The following LTBP3 variants were observed in gnomAD, a reference collection of about 807,000 sequenced individuals.
The protein encoded by LTBP3 is latent transforming growth factor beta binding protein 3.
In LTBP3, 97 loss-of-function variants were observed where a neutral mutation model predicts 159.7. The ratio of observed to expected loss-of-function variants is 0.61; its 90% CI spans 0.52 to 0.72. LTBP3 has a LOEUF of 0.72. LTBP3 is among the 30% of genes least tolerant of loss of function. LTBP3 has a pLI of 0.00. For synonymous variants in LTBP3, 824 were observed against 777.1 expected, an observed-to-expected ratio of 1.06 and a Z score of -1.00; for missense variants, 1,584 against 1,864.3, an observed-to-expected ratio of 0.85 and a Z score of 2.77.
At chr11:65,539,954 G>GCGGGGGCCACGTGACGGA in intron 24 of LTBP3, 59 bp downstream of exon 24, 1 of 1,459,116 alleles carries the variant, frequency 6.9e-7, no homozygotes, top group Non-Finnish European at 9.0e-7. Context: ...CCCCACCTGC[G>GCGGGGGCCACGTGACGGA]CGGGGGCCAC....
In LTBP3 at chr11:65,539,576, G is replaced by T. The variant is rs768814259; in HGVS notation, c.3600C>A (p.Ser1200Arg). The change falls in exon 26 of 28, where the codon AGC becomes AGA. Residue 1200 changes from serine (S) to arginine (R), a missense_variant. Around this residue, in one of 6 missense-constraint regions of LTBP3, gnomAD observed 514 missense variants for 530.3 expected, o/e 0.97. Coordinates refer to ENST00000301873, the MANE Select transcript of LTBP3 (RefSeq NM_001130144.3). Reference protein sequence around the residue: ...QSESNSFWDTSPLLLGKPPRD... With the variant: ...QSESNSFWDTRPLLLGKPPRD... ...TTGGGGGCTTCCCCAACAGCAGGGG[G>T]CTTGTGTCCCAGAAGGAATTGCTCT... 5 of 1,612,842 alleles carry T rather than the reference G, an allele frequency of 3.1e-6. No homozygotes were observed. In the Admixed American group the frequency reaches 5.0e-5, roughly 16 times the overall value.
At position 65,547,488 on chromosome 11, in the gene LTBP3, G is replaced by T. The variant is rs376337792; in HGVS notation, c.2058C>A (p.Asn686Lys). Residue 686 changes from asparagine to lysine, a missense_variant, in exon 14 of 28, where the codon AAC (asparagine) becomes AAA (lysine). By Grantham distance (94) the Asn-to-Lys change is moderately conservative. Around this residue, in one of 6 missense-constraint regions of LTBP3, gnomAD observed 565 missense variants for 677.7 expected, o/e 0.83. Coordinates refer to ENST00000301873, the MANE Select transcript of LTBP3 (RefSeq NM_001130144.3). The surrounding 1 kb of genome is among the most constrained non-coding windows in gnomAD (Gnocchi z 4.6). ...CINFPGHYKCNCYPGYRLKAS... is the reference protein window; with the variant it reads ...CINFPGHYKCKCYPGYRLKAS... Reference sequence around the variant, plus strand: ...CTTTGAGCCGGTAGCCGGGGTAGCAGTTGCACTTGTAGTGACCGGGAAAGT... The same window carrying T: ...CTTTGAGCCGGTAGCCGGGGTAGCATTTGCACTTGTAGTGACCGGGAAAGT... 8.5e-5 allele frequency: 137 copies of T among 1,614,170 alleles called. No homozygotes were observed. In the South Asian group the frequency reaches 1.4e-3, roughly 17 times the overall value.
Position 65,546,358 on chromosome 11 carries a change from A to G in LTBP3, c.2353+84T>C. 2 of 1,423,316 alleles carry G rather than the reference A, an allele frequency of 1.4e-6. No homozygotes were observed. The highest frequency in any genetic ancestry group is 1.8e-6 in the Non-Finnish European group (2 of 1,083,866). The allele number at this position is 1,423,316 out of a possible 1,614,324, so 88.2% of individuals were successfully genotyped here. On this transcript the variant is annotated intron_variant, in intron 16 of 27. Transcript: ENST00000301873. This position sits in a 1 kb window ranked among gnomAD's most constrained non-coding sequence, Gnocchi z 4.0. ...GGGATGAATGAGCCACCTTCCACCC[A>G]CTGTTTACAGACAGCGTGACCCGCT...
At chr11:65,540,734 C>G in intron 21 of LTBP3, 120 bp from the exon 22 acceptor site, 1 of 1,515,668 alleles carries the variant, frequency 6.6e-7, no homozygotes, top group Admixed American at 1.7e-5. Flanking sequence ...GCGGGGCCTA[C>G]AGGGCGGGGC....
chr11:65,538,956 G>A lies in LTBP3; in HGVS notation c.*124C>T, dbSNP rs1458279060. 10 of 1,314,718 alleles carry A rather than the reference G, an allele frequency of 7.6e-6. No individual in the cohort carries two copies. Among genetic ancestry groups the A allele is most frequent in the Admixed American group, 3.9e-5 (1 of 25,688 alleles). The allele number at this position is 1,314,718 out of a possible 1,614,324, so 81.4% of individuals were successfully genotyped here. ...GGGGCGCCTCGGGTCTCAAGGCGCCGGGAGGGTCTGCGGGCCCTGAAGGTC... is the reference window on the plus strand; with the variant it reads ...GGGGCGCCTCGGGTCTCAAGGCGCCAGGAGGGTCTGCGGGCCCTGAAGGTC... On this transcript the variant is annotated 3_prime_UTR_variant, in exon 28 of 28. Coordinates refer to ENST00000301873, the MANE Select transcript of LTBP3 (RefSeq NM_001130144.3).
Position 65,546,411 on chromosome 11 carries a change from G to A in LTBP3, c.2353+31C>T, listed in dbSNP as rs1275440444. On this transcript the variant is annotated intron_variant, in intron 16 of 27. Transcript: ENST00000301873. The surrounding 1 kb of genome is among the most constrained non-coding windows in gnomAD (Gnocchi z 4.0). Reference sequence around the variant, plus strand: ...CCGGCTTCAGCGCGTAGGGGGCGGCGGAGGCCCGGGGCGGGGGTGCTGGCG... The same window carrying A: ...CCGGCTTCAGCGCGTAGGGGGCGGCAGAGGCCCGGGGCGGGGGTGCTGGCG... 5 of 1,517,888 alleles carry A rather than the reference G, an allele frequency of 3.3e-6. No individual in the cohort carries two copies. In the Admixed American group the frequency reaches 8.3e-5, roughly 25 times the overall value. 94.0% of individuals were successfully genotyped at this position (1,517,888 alleles called of 1,614,324 possible).
rs1856882852 is a variant in LTBP3 at position 65,558,243 on chromosome 11, A to C, written c.-284T>G. 7.8e-6 allele frequency: 8 copies of C among 1,031,640 alleles called. No individual in the cohort carries two copies. The highest frequency in any genetic ancestry group is 9.3e-6 in the Non-Finnish European group (8 of 857,144). 63.9% of individuals were successfully genotyped at this position (1,031,640 alleles called of 1,614,324 possible). On this transcript the variant is annotated 5_prime_UTR_variant, in exon 1 of 28. Coordinates refer to ENST00000301873, the MANE Select transcript of LTBP3 (RefSeq NM_001130144.3). ...GCCGGAGCAAGTTGAGGCGGAGAGGAGGAGCGAGGGAGAGGAAGGCCGGGC... is the reference window on the plus strand; with the variant it reads ...GCCGGAGCAAGTTGAGGCGGAGAGGCGGAGCGAGGGAGAGGAAGGCCGGGC...
At chr11:65,555,059 G>A (rs948795444) in intron 1 of LTBP3, among the ~76,000 whole-genome samples, 2 of 151,646 alleles carry the variant, frequency 1.3e-5, no homozygotes, top group African/African-American at 4.8e-5. Context: ...GGCATCCACA[G>A]CTGAGCCCCG....
chr11:65,558,126 G>A lies in LTBP3; in HGVS notation c.-167C>T, dbSNP rs1035104044. ...ACCGCGGGGGCCCGGCGGGAGGCGC[G>A]GAGATGCAGACTGGACAGCGGGGAG... On this transcript the variant is annotated 5_prime_UTR_variant, in exon 1 of 28. Transcript: ENST00000301873. 4 of 1,081,282 alleles carry A rather than the reference G, an allele frequency of 3.7e-6. No homozygotes were observed. Among genetic ancestry groups the A allele is most frequent in the Non-Finnish European group, 4.5e-6 (4 of 890,894 alleles). 67.0% of individuals were successfully genotyped at this position (1,081,282 alleles called of 1,614,324 possible).
At position 65,554,085 on chromosome 11, in the gene LTBP3, C is replaced by A; in HGVS notation, c.627G>T (p.Leu209=). 1 of 1,607,918 alleles carries A rather than the reference C, an allele frequency of 6.2e-7. No homozygotes were observed. Among genetic ancestry groups the A allele is most frequent in the South Asian group, 1.1e-5 (1 of 91,072 alleles). Reference sequence around the variant, plus strand: ...AGATCTGTCCCGGGCCTAGGGGCACCAGGAAGGCTGCGTGCTGGGCAGGAG... The same window carrying A: ...AGATCTGTCCCGGGCCTAGGGGCACAAGGAAGGCTGCGTGCTGGGCAGGAG... ...EGPPAQHAAF[L]VPLGPGQISA... The change falls in exon 2 of 28, where the codon CTG becomes CTT. Residue 209 remains leucine (L), a synonymous_variant. Transcript: ENST00000301873. This position sits in a 1 kb window ranked among gnomAD's most constrained non-coding sequence, Gnocchi z 5.3.
rs775160860 is a variant in LTBP3, at chr11:65,557,604, C to G, written c.331+25G>C. 5.0e-6 allele frequency: 8 copies of G among 1,605,988 alleles called. No individual in the cohort carries two copies. The South Asian group carries it at 8.8e-5, about 18-fold the overall frequency. On this transcript the variant is annotated intron_variant, in intron 1 of 27. Coordinates refer to ENST00000301873, the MANE Select transcript of LTBP3 (RefSeq NM_001130144.3). ...GGCCTGGTGCCTGTCCTTCCCCTGC[C>G]CCCAGCCGTGCCCCCGGCCCTCACC...
At chr11:65,555,027 C>T (rs545934161) in intron 1 of LTBP3, among the ~76,000 whole-genome samples, 110 of 152,190 alleles carry the variant, frequency 7.2e-4, no homozygotes, top group Middle Eastern at 6.8e-3. Context: ...TGCCTCCCCA[C>T]CTCCTCTTCA....
At position 65,538,777 on chromosome 11, in the gene LTBP3, C is replaced by T; in HGVS notation, c.*303G>A. Reference sequence around the variant, plus strand: ...GGCGCCGCCCTGCGCAGCCCGCGCCCACGTCAGACGTGAACATCAATTTGC... The same window carrying T: ...GGCGCCGCCCTGCGCAGCCCGCGCCTACGTCAGACGTGAACATCAATTTGC... On this transcript the variant is annotated 3_prime_UTR_variant, in exon 28 of 28. Coordinates refer to ENST00000301873, the MANE Select transcript of LTBP3 (RefSeq NM_001130144.3). 1 of 841,556 alleles carries T rather than the reference C, an allele frequency of 1.2e-6. No homozygotes were observed. Among genetic ancestry groups the T allele is most frequent in the Admixed American group, 3.1e-5 (1 of 32,200 alleles). 52.1% of individuals were successfully genotyped at this position (841,556 alleles called of 1,614,324 possible). A position where few individuals can be genotyped will look rare whatever the true frequency, so the allele number is the denominator to read the frequency against.
At chr11:65,550,980 T>G in intron 11 of LTBP3, 146 bp downstream of exon 11, 1 of 713,886 alleles carries the variant, frequency 1.4e-6, no homozygotes, top group Non-Finnish European at 2.5e-6. Context: ...GTGGGATCTC[T>G]GGTGCTCACC....
intron 11 of LTBP3, among the ~76,000 whole-genome samples, chr11:65,549,429 T>C (rs1239843005): frequency 6.6e-6 from 1 of 152,048 alleles, no homozygotes; most frequent in Non-Finnish European, 1.5e-5. Flanking sequence ...TTCTTTTTTT[T>C]TGAGATGGAG....
chr11:65,540,675 G>A (rs1856076018), intron 21 of LTBP3, 61 bp from the exon 22 acceptor site: 1 of 1,465,778 alleles, frequency 6.8e-7, no homozygotes, highest in Non-Finnish European at 9.2e-7. Context: ...GGCGTGGGCT[G>A]GGCGCACCAC....
chr11:65,546,607 G>A lies in LTBP3; in HGVS notation c.2231-43C>T, dbSNP rs754349621. 1.7e-5 allele frequency: 27 copies of A among 1,597,706 alleles called. 1 individual carries two copies. The South Asian group carries it at 2.6e-4, about 16-fold the overall frequency. ...AGCCTCGGACTCTGCCCCACCGGAA[G>A]GCGGACCGCGCACCTCGCGGGGGTG... On this transcript the variant is annotated intron_variant, in intron 15 of 27. Coordinates refer to ENST00000301873, the MANE Select transcript of LTBP3 (RefSeq NM_001130144.3). This position sits in a 1 kb window ranked among gnomAD's most constrained non-coding sequence, Gnocchi z 4.0.
At position 65,546,852 on chromosome 11, in the gene LTBP3, T is replaced by G; in HGVS notation, c.2176A>C (p.Lys726Gln). Residue 726 changes from lysine to glutamine, a missense_variant, in exon 15 of 28, where the codon AAG becomes CAG. Physicochemically the swap from Lys to Gln is moderately conservative, Grantham distance 53 (BLOSUM62 1). Transcript: ENST00000301873. This position sits in a 1 kb window ranked among gnomAD's most constrained non-coding sequence, Gnocchi z 4.0. ...GKCENKPGSF[K>Q]CIACQPGYRS... The stretch of plus-strand genomic sequence containing the variant: ...TAGCCAGGCTGACAGGCGATGCACT[T>G]GAAGCTCCCGGGCTTGTTCTCGCAT... 1 of 1,611,620 alleles carries G rather than the reference T, an allele frequency of 6.2e-7. No homozygotes were observed. The highest frequency in any genetic ancestry group is 1.1e-5 in the South Asian group (1 of 91,082).
In LTBP3 at chr11:65,551,074, C is replaced by G. The variant is rs1280270711; in HGVS notation, c.1720+52G>C. 3 of 1,468,516 alleles carry G rather than the reference C, an allele frequency of 2.0e-6. No individual in the cohort carries two copies. The African/African-American group carries it at 4.2e-5, about 21-fold the overall frequency. The allele number at this position is 1,468,516 out of a possible 1,614,324, so 91.0% of individuals were successfully genotyped here. A position where few individuals can be genotyped will look rare whatever the true frequency, so the allele number is the denominator to read the frequency against. On this transcript the variant is annotated intron_variant, in intron 11 of 27. Transcript: ENST00000301873. Reference sequence around the variant, plus strand: ...TGGGGGCGGGAGGGAGGAGAGAAAACTAAAGTGGGGGCGTGGCCTAGGCAG... The same window carrying G: ...TGGGGGCGGGAGGGAGGAGAGAAAAGTAAAGTGGGGGCGTGGCCTAGGCAG...
Sources: allele counts gnomAD v4.1 joint callset (sites outside exome capture counted in the v4.1 genomes callset), GRCh38; gene constraint gnomAD v4.1.1; regional missense constraint gnomAD v4.1.1; non-coding constraint Gnocchi (gnomAD v3.1); transcripts MANE v1.5; gene names NCBI Gene and HGNC (gene_info 2026-07-23, HGNC 2026-07-21).